The following SPAG16 variants were observed in gnomAD, a reference collection of about 807,000 sequenced individuals.
The protein encoded by SPAG16 is sperm-associated antigen 16 protein.
SPAG16 carries 86 observed loss-of-function variants against 80.4 expected under a neutral mutation model. The ratio of observed to expected loss-of-function variants is 1.07; its 90% CI spans 0.90 to 1.28. SPAG16 has a LOEUF of 1.28. Among genes scored for constraint, SPAG16 ranks in the 50% most tolerant of loss-of-function variants. The pLI is 0.00. For missense variants in SPAG16, 870 were observed against 765.3 expected, an observed-to-expected ratio of 1.14 and a Z score of -1.61; for synonymous variants, 294 against 265.9, an observed-to-expected ratio of 1.11 and a Z score of -1.03.
At chr2:214,319,004 G>A (rs1349085346) in intron 15 of SPAG16, among the ~76,000 whole-genome samples, 1 of 152,016 alleles carries the variant, frequency 6.6e-6, no homozygotes, top group East Asian at 1.9e-4. Flanking sequence ...TCATTATGCT[G>A]CTAGAAACCC....
chr2:213,801,983 T>A (rs2071438461), intron 10 of SPAG16, among the ~76,000 whole-genome samples: 2 of 152,194 alleles, frequency 1.3e-5, no homozygotes, highest in Non-Finnish European at 2.9e-5. Flanking sequence ...ATTTACTTAA[T>A]CATAGTGTCA....
At chr2:213,617,509 T>G (rs1028686466) in intron 10 of SPAG16, among the ~76,000 whole-genome samples, 2 of 152,178 alleles carry the variant, frequency 1.3e-5, no homozygotes, top group Non-Finnish European at 2.9e-5. Context: ...GTTCAGCTAG[T>G]TTTTGTATTT....
At chr2:213,564,451 C>T (rs1308339239) in intron 10 of SPAG16, among the ~76,000 whole-genome samples, 1 of 148,836 alleles carries the variant, frequency 6.7e-6, no homozygotes, top group Non-Finnish European at 1.5e-5. Flanking sequence ...GCCAAGATTG[C>T]ACCACTGCAC....
At chr2:213,461,001 T>C (rs1031510041) in intron 9 of SPAG16, among the ~76,000 whole-genome samples, 1 of 152,202 alleles carries the variant, frequency 6.6e-6, no homozygotes, top group African/African-American at 2.4e-5. Flanking sequence ...ATGCCATTTC[T>C]ACCTCAGAAG....
chr2:213,762,815 C>T (rs2068733347), intron 10 of SPAG16, among the ~76,000 whole-genome samples: 1 of 152,048 alleles, frequency 6.6e-6, no homozygotes, highest in Non-Finnish European at 1.5e-5. Flanking sequence ...TTCTGTACAA[C>T]AAAGGAAGCA....
At chr2:213,392,734 C>T (rs1380098192) in intron 9 of SPAG16, among the ~76,000 whole-genome samples, 2 of 151,832 alleles carry the variant, frequency 1.3e-5, no homozygotes, top group Non-Finnish European at 2.9e-5. Context: ...GTAATCTCAG[C>T]TACTCGGGAG....
intron 10 of SPAG16, among the ~76,000 whole-genome samples, chr2:213,588,796 G>A (rs535154811): frequency 5.2e-5 from 5 of 96,950 alleles, no homozygotes; most frequent in Non-Finnish European, 7.4e-5. Flanking sequence ...GCGACAGAGC[G>A]AGACTCCGTC....
At chr2:213,554,596 A>G (rs774019926) in intron 10 of SPAG16, among the ~76,000 whole-genome samples, 16 of 152,344 alleles carry the variant, frequency 1.1e-4, no homozygotes, top group Non-Finnish European at 2.4e-4. Flanking sequence ...GTGAACTTCA[A>G]TAAAATACAG....
At chr2:214,304,970 T>C (rs1221584590) in intron 15 of SPAG16, among the ~76,000 whole-genome samples, 21 of 152,236 alleles carry the variant, frequency 1.4e-4, no homozygotes, top group Admixed American at 1.4e-3. Flanking sequence ...CCACAATGGC[T>C]GAACTGTTTT....
chr2:214,106,189 A>G (rs2053373791), intron 13 of SPAG16, among the ~76,000 whole-genome samples: 1 of 152,192 alleles, frequency 6.6e-6, no homozygotes, highest in Non-Finnish European at 1.5e-5. Context: ...ATTACCACTC[A>G]GTATACAAGT....
chr2:213,346,359 T>C (rs1193761526), intron 6 of SPAG16, among the ~76,000 whole-genome samples: 2 of 152,222 alleles, frequency 1.3e-5, no homozygotes, highest in East Asian at 3.8e-4. Context: ...TTTTCCTAAT[T>C]GAATACGCTT....
intron 10 of SPAG16, among the ~76,000 whole-genome samples, chr2:213,620,649 G>T (rs1006559849): frequency 1.3e-5 from 2 of 151,934 alleles, no homozygotes; most frequent in African/African-American, 4.8e-5. Context: ...CAACATAAAG[G>T]TTTGATAAAT....
chr2:213,323,907 T>A (rs941910081), intron 5 of SPAG16, among the ~76,000 whole-genome samples: 7 of 152,178 alleles, frequency 4.6e-5, no homozygotes, highest in Non-Finnish European at 7.4e-5. Flanking sequence ...ATTCCCCATA[T>A]ATGAGGTATT....
At chr2:213,703,263 T>A (rs1283425028) in intron 10 of SPAG16, among the ~76,000 whole-genome samples, 1 of 152,188 alleles carries the variant, frequency 6.6e-6, no homozygotes, top group Non-Finnish European at 1.5e-5. Flanking sequence ...ACCTAGACTG[T>A]CTTGACTGAT....
At chr2:213,410,134 A>G (rs2068878712) in intron 9 of SPAG16, among the ~76,000 whole-genome samples, 2 of 152,104 alleles carry the variant, frequency 1.3e-5, no homozygotes, top group Non-Finnish European at 2.9e-5. Context: ...CACCCCCTCC[A>G]GAGTCGTGGG....
chr2:214,098,532 A>G (rs2052759560), intron 13 of SPAG16, among the ~76,000 whole-genome samples: 2 of 152,090 alleles, frequency 1.3e-5, no homozygotes, highest in Non-Finnish European at 2.9e-5. Flanking sequence ...TCTACAAGCC[A>G]AGTGGAAGGA....
At chr2:214,322,486 A>T (rs1038865372) in intron 15 of SPAG16, among the ~76,000 whole-genome samples, 24 of 147,276 alleles carry the variant, frequency 1.6e-4, no homozygotes, top group African/African-American at 5.4e-4. Context: ...TCTAATTTGC[A>T]TACAGAAATG....
intron 9 of SPAG16, among the ~76,000 whole-genome samples, chr2:213,385,904 CTATAA>C (rs1218418977): frequency 1.3e-5 from 2 of 151,840 alleles, no homozygotes; most frequent in East Asian, 1.9e-4. Context: ...AATGACTTTC[CTATAA>C]TATGTTTTCA....
At chr2:213,341,796 C>A (rs2064701011) in intron 6 of SPAG16, among the ~76,000 whole-genome samples, 1 of 152,120 alleles carries the variant, frequency 6.6e-6, no homozygotes, top group Admixed American at 6.6e-5. Context: ...TCAGATCGGC[C>A]TCCCAAAGTG....
Sources: allele counts gnomAD v4.1 joint callset (sites outside exome capture counted in the v4.1 genomes callset), GRCh38; gene constraint gnomAD v4.1.1; transcripts MANE v1.5; gene names NCBI Gene and HGNC (gene_info 2026-07-23, HGNC 2026-07-21).